SMDT1: variants seen among roughly 807,000 people sequenced by gnomAD.
The protein encoded by SMDT1 is essential MCU regulator, mitochondrial.
A neutral mutation model predicts 5.9 loss-of-function variants in SMDT1; 6 were observed. That is an observed-to-expected ratio of 1.03 (90% CI 0.56 to 2.02). SMDT1 has a LOEUF of 2.02. SMDT1 is among the 30% of genes most tolerant of loss of function. SMDT1 has a pLI of 0.00. For missense variants in SMDT1, 159 were observed against 145.6 expected (o/e 1.09, Z -0.47); for synonymous variants, 81 against 62.4 (o/e 1.30, Z -1.40).
chr22:42,082,690 A>C lies in SMDT1; in HGVS notation c.*4-429A>C, dbSNP rs569971453. Reference sequence around the variant, plus strand: ...TTCTTGAGTTTTCACACTCATACCCACCCCCAAACATTGGCTCATTGTTCC... The same window carrying C: ...TTCTTGAGTTTTCACACTCATACCCCCCCCCAAACATTGGCTCATTGTTCC... On this transcript the variant is annotated intron_variant, in intron 2 of 2. Coordinates refer to ENST00000331479, the MANE Select transcript of SMDT1 (RefSeq NM_033318.5). 1.8e-3 allele frequency among the ~76,000 whole-genome samples: 279 copies of C among 151,594 alleles called. 1 individual carries two copies. The highest frequency in any genetic ancestry group is 5.5e-3 in the African/African-American group (226 of 41,280).
At chr22:42,083,081 G>A (rs1054652187) in intron 2 of SMDT1, 38 bp from the exon 3 acceptor site, 2 of 152,514 alleles carry the variant, frequency 1.3e-5, no homozygotes, top group African/African-American at 2.4e-5. Flanking sequence ...GGAAGACTAC[G>A]CTGTTGCCCA....
At position 42,079,746 on chromosome 22, in the gene SMDT1, G is replaced by C. The variant is rs757074571; in HGVS notation, c.-23G>C. On this transcript the variant is annotated 5_prime_UTR_variant, in exon 1 of 3. Transcript: ENST00000331479. ...GCTGGGCGGTGGGGTGCGGGTGCCC[G>C]GGTGAGGGGCGGAGCTGGGGGCATG... is the stretch of plus-strand genomic sequence containing the variant. The C allele has an allele frequency of 5.0e-6, 8 of 1,591,428 alleles. No homozygotes were observed. Among genetic ancestry groups the C allele is most frequent in the African/African-American group, 1.3e-5 (1 of 74,554 alleles).
Position 42,083,286 on chromosome 22 carries a change from G to A in SMDT1, c.*171G>A, listed in dbSNP as rs946015094. 2 of 152,620 alleles carry A rather than the reference G, an allele frequency of 1.3e-5. No individual in the cohort carries two copies. The highest frequency in any genetic ancestry group is 1.5e-5 in the Non-Finnish European group (1 of 68,042). 9.5% of individuals were successfully genotyped at this position (152,620 alleles called of 1,614,324 possible). ...CACCCCAGGCTCTGGGAGGCTCCCT[G>A]AGATGTGCTGTCCACTAAGCACTGC... On this transcript the variant is annotated 3_prime_UTR_variant, in exon 3 of 3. Transcript: ENST00000331479.
chr22:42,079,738 G>T lies in SMDT1; in HGVS notation c.-31G>T, dbSNP rs1457400526. On this transcript the variant is annotated 5_prime_UTR_variant, in exon 1 of 3. Coordinates refer to ENST00000331479, the MANE Select transcript of SMDT1 (RefSeq NM_033318.5). ...GCACGAGGGCTGGGCGGTGGGGTGCGGGTGCCCGGGTGAGGGGCGGAGCTG... is the reference window on the plus strand; with the variant it reads ...GCACGAGGGCTGGGCGGTGGGGTGCTGGTGCCCGGGTGAGGGGCGGAGCTG... The T allele has an allele frequency of 1.3e-6, 2 of 1,585,004 alleles. No homozygotes were observed. Among genetic ancestry groups the T allele is most frequent in the East Asian group, 2.3e-5 (1 of 44,370 alleles).
At chr22:42,082,627 A>G (rs961541162) in intron 2 of SMDT1, among the ~76,000 whole-genome samples, 1 of 152,116 alleles carries the variant, frequency 6.6e-6, no homozygotes, top group Non-Finnish European at 1.5e-5. Context: ...CTCATCTTCC[A>G]TATTTCCAGC....
chr22:42,081,956 T>C lies in SMDT1; in HGVS notation c.218T>C (p.Ile73Thr), dbSNP rs754148879. The change falls in exon 2 of 3, where the codon ATT (isoleucine) becomes ACT (threonine). Residue 73 changes from isoleucine to threonine, a missense_variant. Physicochemically the swap from Ile to Thr is moderately conservative, Grantham distance 89 (BLOSUM62 -1). Coordinates refer to ENST00000331479, the MANE Select transcript of SMDT1 (RefSeq NM_033318.5). ...TTCGGCCTTCTCCGTGTGTTCTCCA[T>C]TGTGATCCCCTTTCTCTATGTCGGG... is the stretch of plus-strand genomic sequence containing the variant. The part of the protein sequence containing the change: ...MSFGLLRVFS[I>T]VIPFLYVGTL... 1 of 1,614,150 alleles carries C rather than the reference T, an allele frequency of 6.2e-7. No homozygotes were observed. The highest frequency in any genetic ancestry group is 1.7e-5 in the Admixed American group (1 of 60,020).
intron 2 of SMDT1, 85 bp from the exon 3 acceptor site, chr22:42,083,034 A>G (rs1348726147): frequency 6.6e-6 from 1 of 152,312 alleles, no homozygotes; most frequent in East Asian, 1.9e-4. Context: ...GCCATGTTTG[A>G]TAGAAGCACT....
At chr22:42,082,087 A>T in intron 2 of SMDT1, 22 bp downstream of exon 2, 1 of 1,606,122 alleles carries the variant, frequency 6.2e-7, no homozygotes, top group Non-Finnish European at 8.5e-7. Context: ...TTTACCCTAG[A>T]TGGAGCAGGA....
chr22:42,082,478 G>C (rs1927863973), intron 2 of SMDT1, among the ~76,000 whole-genome samples: 2 of 152,222 alleles, frequency 1.3e-5, no homozygotes, highest in African/African-American at 4.8e-5. Flanking sequence ...TGTGATTACA[G>C]GCGTGAGCCA....
chr22:42,082,177 T>C (rs1424953872), intron 2 of SMDT1, 112 bp downstream of exon 2: 16 of 1,325,390 alleles, frequency 1.2e-5, no homozygotes, highest in Non-Finnish European at 1.7e-5. Flanking sequence ...CATTAATGAA[T>C]TGGCCCACTT....
At chr22:42,080,588 GA>G (rs1927702452) in intron 1 of SMDT1, among the ~76,000 whole-genome samples, 1 of 152,074 alleles carries the variant, frequency 6.6e-6, no homozygotes, top group Admixed American at 6.6e-5. Context: ...TTTTTCTAGG[GA>G]AAACGGAAAC....
At chr22:42,082,185 C>G (rs1419955756) in intron 2 of SMDT1, 120 bp downstream of exon 2, 6 of 1,267,828 alleles carry the variant, frequency 4.7e-6, no homozygotes, top group Non-Finnish European at 6.6e-6. Flanking sequence ...AATTGGCCCA[C>G]TTGGTGGCTA....
chr22:42,082,066 G>A lies in SMDT1; in HGVS notation c.*3+1G>A, dbSNP rs762067875. On this transcript the variant is annotated splice_donor_variant, in intron 2 of 2. Coordinates refer to ENST00000331479, the MANE Select transcript of SMDT1 (RefSeq NM_033318.5). LOFTEE classifies it low-confidence loss of function (3UTR_SPLICE). ...GGATGATGATGATGATGACTAACAG[G>A]TAAGACTTGCTTTACCCTAGATGGA... 3.7e-6 allele frequency: 6 copies of A among 1,610,444 alleles called. No homozygotes were observed. Among genetic ancestry groups the A allele is most frequent in the East Asian group, 2.2e-5 (1 of 44,880 alleles).
At chr22:42,080,025 C>T (rs1380304314) in intron 1 of SMDT1, 71 bp downstream of exon 1, 14 of 1,489,586 alleles carry the variant, frequency 9.4e-6, no homozygotes, top group Non-Finnish European at 1.3e-5. Flanking sequence ...GAGGGCGGCG[C>T]TGATTGATAG....
At chr22:42,080,095 T>G in intron 1 of SMDT1, 141 bp downstream of exon 1, 2 of 951,448 alleles carry the variant, frequency 2.1e-6, no homozygotes, top group Non-Finnish European at 3.0e-6. Flanking sequence ...AATACGCTAA[T>G]GAGTTGCTAA....
Position 42,079,911 on chromosome 22 carries a change from T to G in SMDT1, c.143T>G (p.Val48Gly). 1 of 1,613,590 alleles carries G rather than the reference T, an allele frequency of 6.2e-7. No homozygotes were observed. The highest frequency in any genetic ancestry group is 8.5e-7 in the Non-Finnish European group (1 of 1,179,814). ...CGGAGCCTGGTACCGTCGAGGTCAG[T>G]CATCGTTACCCGCAGCGGCGCCATT... ...SGRSLVPSRS[V>G]IVTRSGAILP... Residue 48 changes from valine (V) to glycine (G), a missense_variant, in exon 1 of 3, where the codon GTC becomes GGC. Val to Gly is a moderately radical substitution (Grantham distance 109, BLOSUM62 -3). Transcript: ENST00000331479.
In SMDT1 at chr22:42,079,704, CCGAGGGCGGCA is replaced by C; in HGVS notation, c.-57_-47del. On this transcript the variant is annotated 5_prime_UTR_variant, in exon 1 of 3. Coordinates refer to ENST00000331479, the MANE Select transcript of SMDT1 (RefSeq NM_033318.5). ...CGCGAGGCTTCGGGCGGCTTTCTTC[CCGAGGGCGGCA>C]CGAGGGCTGGGCGGTGGGGTGCGGG... 1 of 1,523,220 alleles carries C rather than the reference CCGAGGGCGGCA, an allele frequency of 6.6e-7. No homozygotes were observed. Among genetic ancestry groups the C allele is most frequent in the East Asian group, 2.3e-5 (1 of 42,598 alleles). The allele number at this position is 1,523,220 out of a possible 1,614,324, so 94.4% of individuals were successfully genotyped here.
At chr22:42,081,239 C>T (rs1243986459) in intron 1 of SMDT1, among the ~76,000 whole-genome samples, 1 of 151,682 alleles carries the variant, frequency 6.6e-6, no homozygotes, top group Non-Finnish European at 1.5e-5. Flanking sequence ...AATCTTGGCT[C>T]ACTGCAGCCT....
At chr22:42,080,076 C>A in intron 1 of SMDT1, 122 bp downstream of exon 1, 1 of 1,129,870 alleles carries the variant, frequency 8.9e-7, no homozygotes, top group Non-Finnish European at 1.2e-6. Context: ...GACTGGAAGG[C>A]GGACCAAGAA....
Sources: gnomAD v4.1 joint callset for allele counts (sites outside exome capture counted in the v4.1 genomes callset) on GRCh38, gnomAD v4.1.1 for gene constraint, MANE v1.5 for transcripts, NCBI Gene and HGNC (gene_info 2026-07-23, HGNC 2026-07-21) for gene names.